Variants in TOGARAM1 observed in about 807,000 individuals in gnomAD.
The protein encoded by TOGARAM1 is TOG array regulator of axonemal microtubules protein 1.
Under a neutral mutation model 166.6 loss-of-function variants are expected in TOGARAM1, and 100 were observed. The observed-to-expected ratio is 0.60, with a 90% CI of 0.51 to 0.71. The LOEUF (loss-of-function observed/expected upper bound fraction) is 0.71, where lower values mean the gene tolerates loss of function less well. Ranked by LOEUF, TOGARAM1 falls within the 30% of genes least tolerant of loss-of-function variation. TOGARAM1 has a pLI of 0.00. For missense variants in TOGARAM1, 2,029 were observed against 2,102.7 expected, an observed-to-expected ratio of 0.96 and a Z score of 0.69; for synonymous variants, 758 against 763.8, an observed-to-expected ratio of 0.99 and a Z score of 0.13.
intron 14 of TOGARAM1, 91 bp from the exon 15 acceptor site, chr14:45,052,345 T>G (rs567584273): frequency 3.8e-6 from 4 of 1,059,378 alleles, no homozygotes; most frequent in East Asian, 4.9e-5. Flanking sequence ...TTGATAGGTG[T>G]TTTTTTTCTA....
At chr14:44,969,446 C>G (rs1885763638) in intron 1 of TOGARAM1, among the ~76,000 whole-genome samples, 1 of 152,158 alleles carries the variant, frequency 6.6e-6, no homozygotes, top group Non-Finnish European at 1.5e-5. Context: ...GCTACCACGC[C>G]TGGCCTATCA....
chr14:44,969,145 C>CCTTCCTTCCTTT lies in TOGARAM1; in HGVS notation c.2046+4681_2046+4682insCCTTCCTTTCTT, dbSNP rs368091743. 8.6e-4 allele frequency among the ~76,000 whole-genome samples: 100 copies of CCTTCCTTCCTTT among 116,302 alleles called. 1 individual carries two copies. The highest frequency in any genetic ancestry group is 3.6e-3 in the African/African-American group (92 of 25,818). The allele number at this position is 116,302 out of a possible 152,430, so 76.3% of individuals were successfully genotyped here. ...TCCTTCCTTCCTTCCTTCCTTCCTTCCTTTCTTTCTTTCTTTTCTTTCTTT... is the reference window on the plus strand; with the variant it reads ...TCCTTCCTTCCTTCCTTCCTTCCTTCCTTCCTTCCTTTCTTTCTTTCTTTCTTTTCTTTCTTT... On this transcript the variant is annotated intron_variant, in intron 1 of 19. Coordinates refer to ENST00000361462, the MANE Select transcript of TOGARAM1 (RefSeq NM_001308120.2).
At chr14:44,996,740 G>C (rs970983539) in intron 2 of TOGARAM1, 9 of 152,360 alleles carry the variant, frequency 5.9e-5, no homozygotes, top group African/African-American at 1.9e-4. Flanking sequence ...TCTGCTTCTG[G>C]GGAAACCTCA....
chr14:45,016,464 G>A (rs1382429162), intron 7 of TOGARAM1, among the ~76,000 whole-genome samples: 1 of 152,176 alleles, frequency 6.6e-6, no homozygotes, highest in Non-Finnish European at 1.5e-5. Flanking sequence ...GGCGGATCAC[G>A]AGGTCAGGAG....
Position 45,073,609 on chromosome 14 carries a change from C to T in TOGARAM1, c.*48C>T. ...ATGAACAAAAGTGTTTACATGATGA[C>T]AAATGGAACTTTCTAAAAGTTATGT... On this transcript the variant is annotated 3_prime_UTR_variant, in exon 20 of 20. Coordinates refer to ENST00000361462, the MANE Select transcript of TOGARAM1 (RefSeq NM_001308120.2). 1 of 1,538,256 alleles carries T rather than the reference C, an allele frequency of 6.5e-7. No homozygotes were observed. The highest frequency in any genetic ancestry group is 8.8e-7 in the Non-Finnish European group (1 of 1,138,822).
intron 16 of TOGARAM1, among the ~76,000 whole-genome samples, chr14:45,065,823 T>G (rs562005867): frequency 6.6e-6 from 1 of 152,306 alleles, no homozygotes; most frequent in Admixed American, 6.5e-5. Flanking sequence ...GAGGATGAGT[T>G]TTTTGAAAGA....
At chr14:45,068,386 A>G (rs771995009) in intron 17 of TOGARAM1, 38 bp from the exon 18 acceptor site, 7 of 1,423,614 alleles carry the variant, frequency 4.9e-6, no homozygotes, top group Non-Finnish European at 1.9e-6. Flanking sequence ...AGCTATAAAA[A>G]TCATTTTACT....
intron 10 of TOGARAM1, among the ~76,000 whole-genome samples, chr14:45,028,736 CTCTATGTT>C (rs1193472329): frequency 2.0e-5 from 3 of 152,064 alleles, no homozygotes; most frequent in Non-Finnish European, 4.4e-5. Context: ...CAAGAGTAGG[CTCTATGTT>C]TCCTGGTGTT....
intron 7 of TOGARAM1, among the ~76,000 whole-genome samples, chr14:45,012,984 T>C (rs1263148086): frequency 6.6e-6 from 1 of 152,194 alleles, no homozygotes; most frequent in Non-Finnish European, 1.5e-5. Context: ...CAAATCTGAC[T>C]ATACTGGCCA....
rs77435368 is a variant in TOGARAM1 at position 45,026,703 on chromosome 14, T to TA, written c.3329-593dup. 7.3e-4 allele frequency among the ~76,000 whole-genome samples: 111 copies of TA among 152,074 alleles called. No homozygotes were observed. The East Asian group carries it at 0.017, about 24-fold the overall frequency. On this transcript the variant is annotated intron_variant, in intron 8 of 19. Coordinates refer to ENST00000361462, the MANE Select transcript of TOGARAM1 (RefSeq NM_001308120.2). ...AAATCCTTGCTCCTTGAAACCATCT[T>TA]AAACACCCAGCTCTGCCAGGTGCAG...
rs748439609 is a variant in TOGARAM1 at position 44,999,463 on chromosome 14, A to G, written c.2304A>G (p.Gln768=). 6.2e-6 allele frequency: 10 copies of G among 1,612,026 alleles called. No homozygotes were observed. Among genetic ancestry groups the G allele is most frequent in the African/African-American group, 2.7e-5 (2 of 74,882 alleles). The change falls in exon 3 of 20, where the codon CAA becomes CAG. Residue 768 remains glutamine (Q), a synonymous_variant. Transcript: ENST00000361462. Reference sequence around the variant, plus strand: ...CTGGCAGTGTGGGTTCTGACTTACAATTCCTAGGGACAACTAGCAGTCATC... The same window carrying G: ...CTGGCAGTGTGGGTTCTGACTTACAGTTCCTAGGGACAACTAGCAGTCATC... ...GKTGSVGSDL[Q]FLGTTSSHQE... is the part of the protein sequence containing the mutation.
chr14:44,996,995 A>C (rs1435168864), intron 2 of TOGARAM1: 1 of 152,242 alleles, frequency 6.6e-6, no homozygotes, highest in Non-Finnish European at 1.5e-5. Flanking sequence ...TGGGGACACA[A>C]AGCCAAACTG....
intron 1 of TOGARAM1, among the ~76,000 whole-genome samples, chr14:44,974,729 AAG>A (rs1221024448): frequency 4.6e-5 from 7 of 151,952 alleles, no homozygotes; most frequent in Non-Finnish European, 5.9e-5. Context: ...CATTTTAAAA[AAG>A]AGAATTCTTG....
In TOGARAM1 at chr14:44,962,262, G is replaced by T. The variant is rs1885177109; in HGVS notation, c.-160G>T. ...TCAGACGGGGGCCATTTTGCCAGAG[G>T]CTGCCTCCCGGAGTTGGGGGCGGCC... On this transcript the variant is annotated 5_prime_UTR_variant, in exon 1 of 20. Transcript: ENST00000361462. 3 of 860,658 alleles carry T rather than the reference G, an allele frequency of 3.5e-6. No individual in the cohort carries two copies. The highest frequency in any genetic ancestry group is 3.3e-6 in the Non-Finnish European group (2 of 600,840). The allele number at this position is 860,658 out of a possible 1,614,324, so 53.3% of individuals were successfully genotyped here. A position where few individuals can be genotyped will look rare whatever the true frequency, so the allele number is the denominator to read the frequency against.
chr14:44,999,289 T>C, intron 2 of TOGARAM1, 74 bp from the exon 3 acceptor site: 3 of 1,417,170 alleles, frequency 2.1e-6, no homozygotes, highest in Non-Finnish European at 2.8e-6. Flanking sequence ...ACACCAACAT[T>C]TATGAAATAA....
At position 44,962,937 on chromosome 14, in the gene TOGARAM1, T is replaced by A; in HGVS notation, c.516T>A (p.Leu172=). 6.2e-7 allele frequency: 1 copy of A among 1,614,178 alleles called. No individual in the cohort carries two copies. Among genetic ancestry groups the A allele is most frequent in the Non-Finnish European group, 8.5e-7 (1 of 1,180,032 alleles). The part of the protein sequence containing the change: ...VLRGQGEAGQ[L]EEAFSLALLP... ...GGGGTCAGGGGGAGGCAGGCCAGCT[T>A]GAAGAGGCCTTTAGCTTAGCACTTT... The change falls in exon 1 of 20, where the codon CTT becomes CTA. Residue 172 remains leucine (L), a synonymous_variant. Transcript: ENST00000361462.
Position 45,009,055 on chromosome 14 carries a change from C to G in TOGARAM1, c.3047C>G (p.Pro1016Arg). 6.2e-7 allele frequency: 1 copy of G among 1,614,078 alleles called. No individual in the cohort carries two copies. The highest frequency in any genetic ancestry group is 1.1e-5 in the South Asian group (1 of 91,078). Residue 1016 changes from proline to arginine, a missense_variant, in exon 6 of 20, where the codon CCA (proline) becomes CGA (arginine). By Grantham distance (103) the Pro-to-Arg change is moderately radical. Transcript: ENST00000361462. ...GACTCCCCGTCTCTGTCTTCCTCAC[C>G]AAACATCAATTCTTACAGTGAAAGT... ...TMDSPSLSSSPNINSYSESGV... is the reference protein window; with the variant it reads ...TMDSPSLSSSRNINSYSESGV...
chr14:44,987,038 A>C (rs1316790014), intron 1 of TOGARAM1, among the ~76,000 whole-genome samples: 1 of 151,780 alleles, frequency 6.6e-6, no homozygotes, highest in Non-Finnish European at 1.5e-5. Context: ...AAAGAAAAAA[A>C]AATGTTGTTG....
chr14:45,067,561 A>C (rs1037880382), intron 17 of TOGARAM1, among the ~76,000 whole-genome samples: 12 of 152,106 alleles, frequency 7.9e-5, no homozygotes, highest in African/African-American at 2.9e-4. Context: ...TTATTAATTA[A>C]ATTTCATTTT....
Sources: gnomAD v4.1 joint callset for allele counts (sites outside exome capture counted in the v4.1 genomes callset) on GRCh38, gnomAD v4.1.1 for gene constraint, MANE v1.5 for transcripts, NCBI Gene and HGNC (gene_info 2026-07-23, HGNC 2026-07-21) for gene names.